DYRK1A: variants seen among roughly 807,000 people sequenced by gnomAD.
DYRK1A encodes dual specificity tyrosine phosphorylation regulated kinase 1A.
In DYRK1A, 9 loss-of-function variants were observed where a neutral mutation model predicts 79.7. That is an observed-to-expected ratio of 0.11 (90% CI 0.07 to 0.20). DYRK1A has a LOEUF of 0.20. DYRK1A is among the 10% of genes least tolerant of loss of function. The pLI, the probability that DYRK1A is intolerant of heterozygous loss-of-function variation, is 1.00. For missense variants in DYRK1A, 622 were observed against 956.0 expected (o/e 0.65, Z 4.61); for synonymous variants, 349 against 329.7 (o/e 1.06, Z -0.63).
Position 37,430,345 on chromosome 21 carries a change from A to G in DYRK1A, c.10+9961A>G, listed in dbSNP as rs151020825. 332 of 984,532 alleles carry G rather than the reference A, an allele frequency of 3.4e-4. 4 individuals are homozygous for G. In the East Asian group the frequency reaches 0.03, roughly 90 times the overall value. 61.0% of individuals were successfully genotyped at this position (984,532 alleles called of 1,614,324 possible). ...TAAGACTCATGGAGAGGGAGATGTG[A>G]TACTGTGTCACTGAGGTCGTTCCAG... On this transcript the variant is annotated intron_variant, in intron 2 of 11. Coordinates refer to ENST00000647188, the MANE Select transcript of DYRK1A (RefSeq NM_001347721.2).
chr21:37,470,650 T>C (rs1873004693), intron 2 of DYRK1A, among the ~76,000 whole-genome samples: 1 of 152,242 alleles, frequency 6.6e-6, no homozygotes, highest in Admixed American at 6.5e-5. Context: ...TCTTTTTATT[T>C]ATATTCCTTC....
intron 1 of DYRK1A, among the ~76,000 whole-genome samples, chr21:37,414,975 G>A (rs2050310233): frequency 6.6e-6 from 1 of 152,162 alleles, no homozygotes; most frequent in East Asian, 1.9e-4. Flanking sequence ...TACAATTACT[G>A]ATGATAACTT....
chr21:37,442,592 T>C (rs555501896), intron 2 of DYRK1A, among the ~76,000 whole-genome samples: 5 of 152,252 alleles, frequency 3.3e-5, no homozygotes, highest in South Asian at 2.1e-4. Flanking sequence ...TCTCCTCCTC[T>C]TCTTTCTTTT....
At chr21:37,464,771 C>T (rs1046293195) in intron 2 of DYRK1A, among the ~76,000 whole-genome samples, 2 of 151,928 alleles carry the variant, frequency 1.3e-5, no homozygotes, top group Admixed American at 6.6e-5. Flanking sequence ...CATATGGTTC[C>T]GCATAATACT....
chr21:37,506,100 T>A lies in DYRK1A; in HGVS notation c.1521T>A (p.Gly507=), dbSNP rs772066720. Residue 507 remains glycine, a splice_region_variant and synonymous_variant, in exon 11 of 12, where the codon GGT becomes GGA. Transcript: ENST00000647188. ...TTGTTTTGTGTTGTGATATTTCAGG[T>A]GGCTCATCGGGGACAAGCAACAGTG... The part of the protein sequence containing the change: ...GTTSSTSSSS[G]GSSGTSNSGR... The A allele has an allele frequency of 6.2e-7, 1 of 1,608,792 alleles. No homozygotes were observed. The highest frequency in any genetic ancestry group is 1.1e-5 in the South Asian group (1 of 91,006).
At chr21:37,485,408 T>G (rs1249405269) in intron 5 of DYRK1A, among the ~76,000 whole-genome samples, 2 of 152,068 alleles carry the variant, frequency 1.3e-5, no homozygotes, top group South Asian at 2.1e-4. Flanking sequence ...AACCAGAGAT[T>G]AGTGCATTTT....
chr21:37,480,894 A>G lies in DYRK1A; in HGVS notation c.489+68A>G, dbSNP rs544112496. 6 of 1,285,588 alleles carry G rather than the reference A, an allele frequency of 4.7e-6. No individual in the cohort carries two copies. In the African/African-American group the frequency reaches 7.5e-5, roughly 16 times the overall value. 79.6% of individuals were successfully genotyped at this position (1,285,588 alleles called of 1,614,324 possible). On this transcript the variant is annotated intron_variant, in intron 5 of 11. Transcript: ENST00000647188. ...CTTCTTAGTGAATCTTGTTGTTAACAGCCCTTCCTCAAGAGTGTACTTTTA... is the reference window on the plus strand; with the variant it reads ...CTTCTTAGTGAATCTTGTTGTTAACGGCCCTTCCTCAAGAGTGTACTTTTA...
chr21:37,482,795 C>CGGTCATT (rs2052701295), intron 5 of DYRK1A, among the ~76,000 whole-genome samples: 1 of 152,170 alleles, frequency 6.6e-6, no homozygotes, highest in Non-Finnish European at 1.5e-5. Flanking sequence ...GAGACCTACC[C>CGGTCATT]TCAGGGGCTC....
At chr21:37,418,412 AAC>A (rs1307404238) in intron 1 of DYRK1A, among the ~76,000 whole-genome samples, 1 of 152,210 alleles carries the variant, frequency 6.6e-6, no homozygotes, top group Non-Finnish European at 1.5e-5. Flanking sequence ...TCTAATTTCT[AAC>A]AATTTTTAAT....
At chr21:37,505,234 T>C in intron 9 of DYRK1A, 49 bp from the exon 10 acceptor site, 1 of 1,435,930 alleles carries the variant, frequency 7.0e-7, no homozygotes, top group South Asian at 1.3e-5. Context: ...TGTGAGTGTT[T>C]ACGTATTCCA....
At chr21:37,511,262 A>G (rs962683302) in intron 11 of DYRK1A, among the ~76,000 whole-genome samples, 2 of 152,162 alleles carry the variant, frequency 1.3e-5, no homozygotes, top group African/African-American at 2.4e-5. Flanking sequence ...GTGCAGTGAG[A>G]AGTCATTAAA....
intron 2 of DYRK1A, among the ~76,000 whole-genome samples, chr21:37,436,310 T>C (rs895402548): frequency 1.3e-5 from 2 of 152,164 alleles, no homozygotes; most frequent in Admixed American, 1.3e-4. Context: ...GTTTCTGGTA[T>C]TCAGTTGTCA....
At position 37,512,462 on chromosome 21, in the gene DYRK1A, AG is replaced by A; in HGVS notation, c.2200del (p.Ala734LeufsTer8). The A allele has an allele frequency of 6.2e-7, 1 of 1,614,234 alleles. No homozygotes were observed. Among genetic ancestry groups the A allele is most frequent in the Non-Finnish European group, 8.5e-7 (1 of 1,180,040 alleles). ...CTGAAGGACATCTGACAATGAGGCA[AG>A]GGGCTGATAGAGAAGAGTCCCCCAT... is the stretch of plus-strand genomic sequence containing the variant. Reference protein sequence around the residue: ...MTEGHLTMRQGADREESPMTG... With the variant: ...MTEGHLTMRQXADREESPMTG... On this transcript the variant is annotated frameshift_variant, in exon 12 of 12. Transcript: ENST00000647188. LOFTEE classifies it high-confidence loss of function.
intron 1 of DYRK1A, among the ~76,000 whole-genome samples, chr21:37,406,830 T>A (rs992122939): frequency 5.5e-5 from 7 of 128,148 alleles, no homozygotes; most frequent in African/African-American, 3.1e-4. Context: ...TATATGTAAT[T>A]ATATATATAT....
intron 2 of DYRK1A, among the ~76,000 whole-genome samples, chr21:37,466,040 A>G (rs1418315552): frequency 1.3e-5 from 2 of 152,212 alleles, no homozygotes; most frequent in Middle Eastern, 6.3e-3. Flanking sequence ...AATTCACTCA[A>G]TCTAGATTCA....
intron 1 of DYRK1A, among the ~76,000 whole-genome samples, chr21:37,417,554 T>TTTTA (rs1555959238): frequency 1.5e-5 from 2 of 132,956 alleles, no homozygotes; most frequent in Non-Finnish European, 3.3e-5. Flanking sequence ...TTTTTTTTTT[T>TTTTA]ACAAATCTTG....
chr21:37,440,152 T>TTTTTTTTTTTTTTC (rs2051055614), intron 2 of DYRK1A, among the ~76,000 whole-genome samples: 1 of 125,754 alleles, frequency 8.0e-6, no homozygotes, highest in Non-Finnish European at 1.7e-5. Flanking sequence ...TTTTTTTTTT[T>TTTTTTTTTTTTTTC]TGAGACGGAG....
chr21:37,519,964 C>T lies in DYRK1A; in HGVS notation c.*7433C>T, dbSNP rs745900075. On this transcript the variant is annotated 3_prime_UTR_variant, in exon 12 of 12. Coordinates refer to ENST00000647188, the MANE Select transcript of DYRK1A (RefSeq NM_001347721.2). ...GTTTCACCATGTTAGGCAGGATGGT[C>T]TCAGTCTCCTGACCTTGTGATCCAT... 1 of 152,092 alleles carries T rather than the reference C, an allele frequency of 6.6e-6. No individual in the cohort carries two copies. The highest frequency in any genetic ancestry group is 1.5e-5 in the Non-Finnish European group (1 of 68,040). 9.4% of individuals were successfully genotyped at this position (152,092 alleles called of 1,614,324 possible). A position where few individuals can be genotyped will look rare whatever the true frequency, so the allele number is the denominator to read the frequency against.
chr21:37,508,567 A>C (rs554760854), intron 11 of DYRK1A, among the ~76,000 whole-genome samples: 16 of 152,326 alleles, frequency 1.1e-4, no homozygotes, highest in African/African-American at 3.8e-4. Flanking sequence ...GATTACAGGC[A>C]TGAGCCACTG....
Sources: allele counts gnomAD v4.1 joint callset (sites outside exome capture counted in the v4.1 genomes callset), GRCh38; gene constraint gnomAD v4.1.1; transcripts MANE v1.5; gene names NCBI Gene and HGNC (gene_info 2026-07-23, HGNC 2026-07-21).